The following COBLL1 variants were observed in gnomAD, a reference collection of about 807,000 sequenced individuals.
COBLL1 encodes cordon-bleu protein-like 1.
Under a neutral mutation model 94.8 loss-of-function variants are expected in COBLL1, and 50 were observed. That is an observed-to-expected ratio of 0.53 (90% CI 0.42 to 0.67). COBLL1 has a LOEUF of 0.67. COBLL1 is among the 30% of genes least tolerant of loss of function. COBLL1 has a pLI of 0.00. For synonymous variants in COBLL1, 448 were observed against 473.8 expected, an observed-to-expected ratio of 0.95 and a Z score of 0.71; for missense variants, 1,362 against 1,348.7, an observed-to-expected ratio of 1.01 and a Z score of -0.15.
intron 3 of COBLL1, among the ~76,000 whole-genome samples, chr2:164,741,183 G>A (rs1686572893): frequency 6.6e-6 from 1 of 152,076 alleles, no homozygotes; most frequent in African/African-American, 2.4e-5. Flanking sequence ...CACTGGGGCA[G>A]GAGAATTGCT....
rs146718898 is a variant in COBLL1, at chr2:164,722,232, T to C, written c.839A>G (p.Tyr280Cys). The change falls in exon 7 of 14, where the codon TAT (tyrosine) becomes TGT (cysteine). Residue 280 changes from tyrosine (Y) to cysteine (C), a missense_variant. Transcript: ENST00000652658. ...ATCCGACGGCAGGGTGTTGGAAATATATGGTTTGGAAATGGTATTGGACCT... is the reference window on the plus strand; with the variant it reads ...ATCCGACGGCAGGGTGTTGGAAATACATGGTTTGGAAATGGTATTGGACCT... ...FTRSNTISKPYISNTLPSDAP... is the reference protein window; with the variant it reads ...FTRSNTISKPCISNTLPSDAP... 2.9e-5 allele frequency: 47 copies of C among 1,613,946 alleles called. No individual in the cohort carries two copies. The Middle Eastern group carries it at 6.6e-4, about 23-fold the overall frequency.
At chr2:164,827,743 C>T (rs531312133) in intron 2 of COBLL1, among the ~76,000 whole-genome samples, 10 of 152,276 alleles carry the variant, frequency 6.6e-5, no homozygotes, top group East Asian at 5.8e-4. Flanking sequence ...CACTCTCAAA[C>T]GTACAACCTG....
intron 2 of COBLL1, among the ~76,000 whole-genome samples, chr2:164,794,944 G>C (rs1458902400): frequency 1.3e-5 from 2 of 152,174 alleles, no homozygotes; most frequent in Admixed American, 6.5e-5. Flanking sequence ...AAATGAATTT[G>C]TAAACCTTCT....
intron 2 of COBLL1, among the ~76,000 whole-genome samples, chr2:164,838,521 A>ATATC (rs1683431545): frequency 6.6e-6 from 1 of 152,326 alleles, no homozygotes; most frequent in South Asian, 2.1e-4. Flanking sequence ...ATGGTATGTT[A>ATATC]TATCATACCA....
chr2:164,695,293 T>C lies in COBLL1; in HGVS notation c.2099A>G (p.Tyr700Cys), dbSNP rs1388067971. 1.2e-6 allele frequency: 2 copies of C among 1,613,872 alleles called. No individual in the cohort carries two copies. The highest frequency in any genetic ancestry group is 4.5e-5 in the East Asian group (2 of 44,860). Residue 700 changes from tyrosine (Y) to cysteine (C), a missense_variant, in exon 12 of 14, where the codon TAC becomes TGC. Transcript: ENST00000652658. ...DRIDKNSTAS[Y>C]LKNYPLYRQD... ...TCTATAAAGTGGGTAATTCTTTAGG[T>C]AAGAAGCAGTGGAATTTTTGTCAAT...
intron 2 of COBLL1, among the ~76,000 whole-genome samples, chr2:164,807,559 T>A (rs1234987910): frequency 6.6e-6 from 1 of 152,192 alleles, no homozygotes. Flanking sequence ...TTTAGTATCA[T>A]GAGTTGAATT....
In COBLL1 at chr2:164,797,515, C is replaced by A. The variant is rs541196426; in HGVS notation, c.41+43641G>T. Among the ~76,000 whole-genome samples, 4 of 152,144 alleles carry A rather than the reference C, an allele frequency of 2.6e-5. No individual in the cohort carries two copies. In the East Asian group the frequency reaches 7.7e-4, roughly 29 times the overall value. On this transcript the variant is annotated intron_variant, in intron 2 of 13. Transcript: ENST00000652658. ...CCCTTAGGGTTATTAAACAATATAT[C>A]CACCATTTTAATGAAAGAGCTTAGA...
At chr2:164,780,460 G>T (rs1020406031) in intron 2 of COBLL1, among the ~76,000 whole-genome samples, 1 of 151,758 alleles carries the variant, frequency 6.6e-6, no homozygotes, top group African/African-American at 2.4e-5. Context: ...AAGGCTTCTG[G>T]GTCAGTCACA....
chr2:164,770,204 C>A (rs1320486301), intron 2 of COBLL1, among the ~76,000 whole-genome samples: 1 of 152,214 alleles, frequency 6.6e-6, no homozygotes, highest in African/African-American at 2.4e-5. Flanking sequence ...ATTTCTTTCT[C>A]CTATGCCATT....
In COBLL1 at chr2:164,695,052, T is replaced by C; in HGVS notation, c.2340A>G (p.Thr780=). ...HENVKETAIQ[T]EDSAISESPE... ...GGCTTTCAGAAATAGCAGAATCTTC[T>C]GTTTGGATGGCAGTTTCTTTCACAT... The change falls in exon 12 of 14, where the codon ACA becomes ACG. Residue 780 remains threonine, a synonymous_variant. Transcript: ENST00000652658. The C allele has an allele frequency of 3.1e-6, 5 of 1,613,944 alleles. No homozygotes were observed. Among genetic ancestry groups the C allele is most frequent in the Non-Finnish European group, 4.2e-6 (5 of 1,179,968 alleles).
intron 9 of COBLL1, among the ~76,000 whole-genome samples, chr2:164,701,023 T>C (rs1684225453): frequency 6.6e-6 from 1 of 152,160 alleles, no homozygotes. Flanking sequence ...CTCATAAACT[T>C]TAAGTTAAAT....
At chr2:164,671,128 T>C (rs1418985089) in intron 1 of COBLL1, among the ~76,000 whole-genome samples, 1 of 152,186 alleles carries the variant, frequency 6.6e-6, no homozygotes, top group Non-Finnish European at 1.5e-5. Context: ...CTATATATAA[T>C]GCTGCCAACA....
At chr2:164,700,380 C>T (rs1367379464) in intron 10 of COBLL1, 142 bp downstream of exon 10, 15 of 545,792 alleles carry the variant, frequency 2.7e-5, no homozygotes, top group African/African-American at 9.5e-5. Context: ...CATTAATAAA[C>T]ATTCTTATAT....
intron 5 of COBLL1, chr2:164,727,291 G>A (rs1336700707): frequency 6.9e-6 from 3 of 432,628 alleles, no homozygotes; most frequent in African/African-American, 6.1e-5. Context: ...TATGCAAAGA[G>A]TATGTAAATA....
At chr2:164,701,380 C>A (rs1029572514) in intron 9 of COBLL1, among the ~76,000 whole-genome samples, 4 of 152,140 alleles carry the variant, frequency 2.6e-5, no homozygotes, top group Non-Finnish European at 5.9e-5. Flanking sequence ...TGTGAAAATA[C>A]AAATAGAGCA....
chr2:164,717,204 G>C (rs935786343), intron 7 of COBLL1, among the ~76,000 whole-genome samples: 1 of 152,026 alleles, frequency 6.6e-6, no homozygotes, highest in African/African-American at 2.4e-5. Context: ...GTCAAACAGC[G>C]CACCCTTGTG....
intron 2 of COBLL1, among the ~76,000 whole-genome samples, chr2:164,788,419 T>C (rs1234845055): frequency 1.3e-5 from 2 of 152,052 alleles, no homozygotes; most frequent in African/African-American, 4.8e-5. Context: ...CTGATAAAAA[T>C]AGCTTTCATG....
intron 2 of COBLL1, among the ~76,000 whole-genome samples, chr2:164,758,621 T>A (rs1687528210): frequency 6.6e-6 from 1 of 151,996 alleles, no homozygotes; most frequent in South Asian, 2.1e-4. Flanking sequence ...TTTAGAAAAA[T>A]TAGTCCAAAA....
At chr2:164,841,866 G>T (rs1358201847), upstream of COBLL1, 1 of 960,730 alleles carries the variant, frequency 1.0e-6, no homozygotes, top group Non-Finnish European at 1.5e-6. This position sits in a 1 kb window ranked among gnomAD's most constrained non-coding sequence, Gnocchi z 5.5. Flanking sequence ...AGCGCGGGCA[G>T]GGCCGACTCA....
Sources: allele counts gnomAD v4.1 joint callset (sites outside exome capture counted in the v4.1 genomes callset), GRCh38; gene constraint gnomAD v4.1.1; non-coding constraint Gnocchi (gnomAD v3.1); transcripts MANE v1.5; gene names NCBI Gene and HGNC (gene_info 2026-07-23, HGNC 2026-07-21).